Variants in IFT140 observed in about 807,000 individuals in gnomAD.
IFT140 encodes the protein intraflagellar transport 140.
A neutral mutation model predicts 164.6 loss-of-function variants in IFT140; 133 were observed. The observed-to-expected ratio is 0.81, with a 90% confidence interval of 0.70 to 0.93. IFT140 has a LOEUF of 0.93. Ranked by LOEUF, IFT140 falls within the 40% of genes least tolerant of loss-of-function variation. The pLI is 0.00. For missense variants in IFT140, 2,045 were observed against 1,972.3 expected, an observed-to-expected ratio of 1.04 and a Z score of -0.70; for synonymous variants, 860 against 817.3, an observed-to-expected ratio of 1.05 and a Z score of -0.89.
intron 14 of IFT140, 81 bp downstream of exon 14, chr16:1,571,326 T>G: frequency 7.2e-7 from 1 of 1,395,838 alleles, no homozygotes; most frequent in East Asian, 2.3e-5. Context: ...TCTTCTGGCT[T>G]CTAACTCACT....
rs969223959 is a variant in IFT140 at position 1,610,834 on chromosome 16, G to C, written c.-202C>G. The stretch of plus-strand genomic sequence containing the variant: ...CGTGCAGCTCCGAGGCCCGAGCGTC[G>C]GGGGCCAGGTTATTCCGCTCTGCAA... On this transcript the variant is annotated 5_prime_UTR_variant, in exon 2 of 31. Coordinates refer to ENST00000426508, the MANE Select transcript of IFT140 (RefSeq NM_014714.4). 1.3e-5 allele frequency: 2 copies of C among 153,516 alleles called. No individual in the cohort carries two copies. Among genetic ancestry groups the C allele is most frequent in the Non-Finnish European group, 2.9e-5 (2 of 68,214 alleles). 9.5% of individuals were successfully genotyped at this position (153,516 alleles called of 1,614,324 possible). A position where few individuals can be genotyped will look rare whatever the true frequency, so the allele number is the denominator to read the frequency against.
intron 26 of IFT140, among the ~76,000 whole-genome samples, chr16:1,521,074 G>A (rs1459746529): frequency 6.6e-6 from 1 of 152,200 alleles, no homozygotes; most frequent in Non-Finnish European, 1.5e-5. Context: ...AGAATATTAC[G>A]TTTGGGAGAA....
At chr16:1,608,631 C>CAAAA (rs10675170) in intron 2 of IFT140, among the ~76,000 whole-genome samples, 14 of 83,626 alleles carry the variant, frequency 1.7e-4, no homozygotes, top group East Asian at 1.7e-3. Context: ...GACTCCGCCT[C>CAAAA]AAAAAAAAAA....
chr16:1,552,679 C>T (rs1272858252), intron 19 of IFT140, among the ~76,000 whole-genome samples: 4 of 137,372 alleles, frequency 2.9e-5, no homozygotes, highest in Non-Finnish European at 6.1e-5. Flanking sequence ...AATGGAGTCT[C>T]GCTCTGTCGC....
In IFT140 at chr16:1,522,356, CAAAATA is replaced by C. The variant is rs1305442507; in HGVS notation, c.3453+1156_3453+1161del. On this transcript the variant is annotated intron_variant, in intron 26 of 30. Transcript: ENST00000426508. The stretch of plus-strand genomic sequence containing the variant: ...TGGGTGACAGAGAGAGACTCTGTCT[CAAAATA>C]AAAATAAAAATAAAAATACAAAATT... Among the ~76,000 whole-genome samples the C allele has an allele frequency of 4.0e-5, 6 of 151,280 alleles. No individual in the cohort carries two copies. The South Asian group carries it at 6.3e-4, about 16-fold the overall frequency.
intron 10 of IFT140, among the ~76,000 whole-genome samples, chr16:1,585,761 ACTTT>A (rs2034835765): frequency 2.1e-5 from 3 of 145,986 alleles, no homozygotes; most frequent in South Asian, 2.1e-4. Flanking sequence ...TATGGCCTCC[ACTTT>A]CTTTTTTTTT....
At chr16:1,514,688 A>G (rs2040291802) in intron 30 of IFT140, 1 of 152,218 alleles carries the variant, frequency 6.6e-6, no homozygotes, top group South Asian at 2.1e-4. Context: ...AACAGAATCC[A>G]GAGTCTCTAC....
intron 13 of IFT140, chr16:1,579,382 A>AGCCAAGGAACAGCAAAGCCT (rs974709902): frequency 2.6e-5 from 4 of 152,194 alleles, no homozygotes; most frequent in Non-Finnish European, 4.4e-5. Flanking sequence ...CAAGTGCACA[A>AGCCAAGGAACAGCAAAGCCT]GCCAAGGAAC....
At chr16:1,558,289 C>T (rs1468182399) in intron 18 of IFT140, among the ~76,000 whole-genome samples, 155 bp from the exon 19 acceptor site, 1 of 152,236 alleles carries the variant, frequency 6.6e-6, no homozygotes, top group African/African-American at 2.4e-5. Flanking sequence ...GCCAGATGCC[C>T]TGAAAACTTT....
intron 7 of IFT140, 137 bp downstream of exon 7, chr16:1,589,468 G>C: frequency 4.1e-6 from 3 of 738,980 alleles, no homozygotes; most frequent in South Asian, 1.8e-5. Context: ...GACACCGCTA[G>C]CTACGTTAGC....
intron 2 of IFT140, among the ~76,000 whole-genome samples, chr16:1,608,631 CAAAAAAAA>C (rs10675170): frequency 4.8e-5 from 4 of 83,722 alleles, no homozygotes; most frequent in South Asian, 8.5e-4. Context: ...GACTCCGCCT[CAAAAAAAA>C]AAAAAAAAAA....
At chr16:1,546,771 C>A (rs1396953242) in intron 19 of IFT140, among the ~76,000 whole-genome samples, 1 of 152,194 alleles carries the variant, frequency 6.6e-6, no homozygotes, top group Non-Finnish European at 1.5e-5. Context: ...CTGAGCCCGG[C>A]CTGAAGAGAA....
chr16:1,580,802 A>C lies in IFT140; in HGVS notation c.1481T>G (p.Val494Gly). Reference sequence around the variant, plus strand: ...AACTCGGTTTGACTCCACCGTGTAAACGTTTTCTTCATGCATTGCTAACAC... The same window carrying C: ...AACTCGGTTTGACTCCACCGTGTAACCGTTTTCTTCATGCATTGCTAACAC... ...TPVLAMHEEN[V>G]YTVESNRVQV... is the part of the protein sequence containing the mutation. The change falls in exon 13 of 31, where the codon GTT (valine) becomes GGT (glycine). Residue 494 changes from valine (V) to glycine (G), a missense_variant. Coordinates refer to ENST00000426508, the MANE Select transcript of IFT140 (RefSeq NM_014714.4). The C allele has an allele frequency of 6.2e-7, 1 of 1,613,988 alleles. No individual in the cohort carries two copies. The highest frequency in any genetic ancestry group is 8.5e-7 in the Non-Finnish European group (1 of 1,179,942).
intron 30 of IFT140, among the ~76,000 whole-genome samples, chr16:1,513,993 T>C (rs1165094214): frequency 6.6e-6 from 1 of 151,476 alleles, no homozygotes; most frequent in Non-Finnish European, 1.5e-5. Context: ...ACTTTCTGCC[T>C]CAGGGTAGGC....
Position 1,511,050 on chromosome 16 carries a change from C to G in IFT140, c.4283G>C (p.Gly1428Ala). 1 of 1,606,704 alleles carries G rather than the reference C, an allele frequency of 6.2e-7. No individual in the cohort carries two copies. Residue 1428 changes from glycine (G) to alanine (A), a missense_variant, in exon 31 of 31, where the codon GGT becomes GCT. Transcript: ENST00000426508. ...GGGGACGGTGCGTGGCAGTGGGAGA[C>G]CCAGCCCCCGGTGCACGGCGTCCAC... The part of the protein sequence containing the change: ...QAVDAVHRGL[G>A]LPLPRTVPEQ...
At position 1,602,828 on chromosome 16, in the gene IFT140, T is replaced by C. The variant is rs547591175; in HGVS notation, c.148-237A>G. ...GATGGCGGGCGTCTGTAGTCCCAGCTACTCGGGAGGCTAAGGCAGGAGAAT... is the reference window on the plus strand; with the variant it reads ...GATGGCGGGCGTCTGTAGTCCCAGCCACTCGGGAGGCTAAGGCAGGAGAAT... On this transcript the variant is annotated intron_variant, in intron 3 of 30. Coordinates refer to ENST00000426508, the MANE Select transcript of IFT140 (RefSeq NM_014714.4). 3.9e-5 allele frequency among the ~76,000 whole-genome samples: 6 copies of C among 152,170 alleles called. No homozygotes were observed. The South Asian group carries it at 1.2e-3, about 32-fold the overall frequency.
chr16:1,553,418 T>C lies in IFT140; in HGVS notation c.2399+4517A>G, dbSNP rs1451149406. The stretch of plus-strand genomic sequence containing the variant: ...TTCCTGGGGAATGCAGGGGAGGCGG[T>C]TGGGAGTGGAGAGACCGGCATGAAC... On this transcript the variant is annotated intron_variant, in intron 19 of 30. Transcript: ENST00000426508. The surrounding 1 kb of genome is among the most constrained non-coding windows in gnomAD (Gnocchi z 4.4). The C allele has an allele frequency of 3.0e-6, 3 of 984,834 alleles. No individual in the cohort carries two copies. The highest frequency in any genetic ancestry group is 3.5e-5 in the African/African-American group (2 of 57,054). 61.0% of individuals were successfully genotyped at this position (984,834 alleles called of 1,614,324 possible).
intron 19 of IFT140, among the ~76,000 whole-genome samples, chr16:1,528,345 G>T (rs111572104): frequency 1.5e-5 from 2 of 129,498 alleles, no homozygotes; most frequent in Non-Finnish European, 3.4e-5. Context: ...GCACACACAC[G>T]CATGCACGCA....
At chr16:1,542,035 C>T (rs201327024) in intron 19 of IFT140, 328 of 1,610,896 alleles carry the variant, frequency 2.0e-4, no homozygotes, top group Admixed American at 9.7e-4. Context: ...CCCGACGCCC[C>T]GTGCTGGGAG....
Sources: allele counts gnomAD v4.1 joint callset (sites outside exome capture counted in the v4.1 genomes callset), GRCh38; gene constraint gnomAD v4.1.1; non-coding constraint Gnocchi (gnomAD v3.1); transcripts MANE v1.5; gene names NCBI Gene and HGNC (gene_info 2026-07-23, HGNC 2026-07-21).